The following ZNF248 variants were observed in gnomAD, a reference collection of about 807,000 sequenced individuals.
ZNF248 encodes zinc finger protein 248, also known as KRAB protein domain.
Under a neutral mutation model 44.3 loss-of-function variants are expected in ZNF248, and 20 were observed. The ratio of observed to expected loss-of-function variants is 0.45; its 90% CI spans 0.32 to 0.66. The LOEUF is 0.66. Ranked by LOEUF, ZNF248 falls within the 30% of genes least tolerant of loss-of-function variation. The probability of loss-of-function intolerance (pLI) is 0.04; values close to 1 mark genes in which losing one functional copy is unlikely to be tolerated. For missense variants in ZNF248, 654 were observed against 677.0 expected (o/e 0.97, Z 0.38); for synonymous variants, 224 against 229.0 (o/e 0.98, Z 0.20).
intron 6 of ZNF248, among the ~76,000 whole-genome samples, chr10:37,812,308 G>A (rs2051643036): frequency 6.6e-6 from 1 of 151,620 alleles, no homozygotes; most frequent in Non-Finnish European, 1.5e-5. Flanking sequence ...GTAGACAAAA[G>A]TGTCTTTGGG....
At chr10:37,790,458 A>G (rs2033599723) in intron 6 of ZNF248, among the ~76,000 whole-genome samples, 1 of 151,808 alleles carries the variant, frequency 6.6e-6, no homozygotes, top group Non-Finnish European at 1.5e-5. Context: ...CACGCCTGTA[A>G]TCAAGCACTT....
chr10:37,856,438 T>G lies in ZNF248; in HGVS notation c.-31A>C, dbSNP rs954179485. ...GGTCCACACACAAGATACTTACGTGTCCATGTGTGGCTCCGATATATGCTG... is the reference window on the plus strand; with the variant it reads ...GGTCCACACACAAGATACTTACGTGGCCATGTGTGGCTCCGATATATGCTG... On this transcript the variant is annotated 5_prime_UTR_variant, in exon 2 of 6. Coordinates refer to ENST00000395867, the MANE Select transcript of ZNF248 (RefSeq NM_021045.3). 1 of 1,470,270 alleles carries G rather than the reference T, an allele frequency of 6.8e-7. No individual in the cohort carries two copies. Among genetic ancestry groups the G allele is most frequent in the East Asian group, 2.3e-5 (1 of 43,442 alleles). 91.1% of individuals were successfully genotyped at this position (1,470,270 alleles called of 1,614,324 possible). A position where few individuals can be genotyped will look rare whatever the true frequency, so the allele number is the denominator to read the frequency against.
At chr10:37,760,894 C>G in the ZNF248 span, among the ~76,000 whole-genome samples, 1 of 152,094 alleles carries the variant, frequency 6.6e-6, no homozygotes, top group East Asian at 1.9e-4. Flanking sequence ...TGAGCACAAA[C>G]AAAGAAATCA....
At chr10:37,842,042 G>C (rs2058438014) in intron 3 of ZNF248, among the ~76,000 whole-genome samples, 1 of 152,076 alleles carries the variant, frequency 6.6e-6, no homozygotes, top group Non-Finnish European at 1.5e-5. Context: ...CAATAAAGTG[G>C]TCATCACTTA....
rs1388031759 is a variant in ZNF248, at chr10:37,828,968, C to T, written c.*2647G>A. The T allele has an allele frequency of 6.1e-6, 6 of 985,462 alleles. No homozygotes were observed. Among genetic ancestry groups the T allele is most frequent in the Non-Finnish European group, 6.0e-6 (5 of 829,934 alleles). 61.0% of individuals were successfully genotyped at this position (985,462 alleles called of 1,614,324 possible). A position where few individuals can be genotyped will look rare whatever the true frequency, so the allele number is the denominator to read the frequency against. On this transcript the variant is annotated 3_prime_UTR_variant, in exon 6 of 6. Transcript: ENST00000395867. ...AAGCAGAACAAACAGAAACACTTAACTTGCAACTAGTAGAATAACTTTATT... is the reference window on the plus strand; with the variant it reads ...AAGCAGAACAAACAGAAACACTTAATTTGCAACTAGTAGAATAACTTTATT...
intron 6 of ZNF248, among the ~76,000 whole-genome samples, chr10:37,785,509 G>C (rs1416815759): frequency 6.6e-6 from 1 of 152,178 alleles, no homozygotes; most frequent in Non-Finnish European, 1.5e-5. Flanking sequence ...ATAAATAGGT[G>C]ACCCATGGCA....
chr10:37,791,626 T>C (rs2048562681), intron 6 of ZNF248: 2 of 152,154 alleles, frequency 1.3e-5, no homozygotes, highest in South Asian at 4.1e-4. Context: ...ATGAAAAGCA[T>C]ATAACCTTCT....
intron 6 of ZNF248, chr10:37,794,467 T>A: frequency 6.2e-6 from 1 of 161,684 alleles, no homozygotes; most frequent in Middle Eastern, 7.0e-4. Context: ...TTTAAATTGC[T>A]ACTGGTTTTC....
intron 6 of ZNF248, among the ~76,000 whole-genome samples, chr10:37,778,495 A>G (rs1011023687): frequency 6.6e-6 from 1 of 151,142 alleles, no homozygotes; most frequent in Non-Finnish European, 1.5e-5. Context: ...TTGCCTGTTC[A>G]CTCTGATGGT....
chr10:37,793,570 G>A (rs534358063), intron 6 of ZNF248, among the ~76,000 whole-genome samples: 59 of 152,232 alleles, frequency 3.9e-4, no homozygotes, highest in African/African-American at 1.4e-3. Flanking sequence ...GTGGTGTGGA[G>A]AATTCAGTGG....
At chr10:37,767,179 A>C in the ZNF248 span, among the ~76,000 whole-genome samples, 2 of 152,204 alleles carry the variant, frequency 1.3e-5, no homozygotes, top group Admixed American at 1.3e-4. Flanking sequence ...GGGAGAAAGG[A>C]ACCAAGTTGG....
the ZNF248 span, among the ~76,000 whole-genome samples, chr10:37,763,418 T>G: frequency 6.6e-6 from 1 of 152,220 alleles, no homozygotes; most frequent in Non-Finnish European, 1.5e-5. Flanking sequence ...CAGTGTGAGT[T>G]TGCCCACATC....
At position 37,829,098 on chromosome 10, in the gene ZNF248, C is replaced by T; in HGVS notation, c.*2517G>A. 1 of 985,508 alleles carries T rather than the reference C, an allele frequency of 1.0e-6. No individual in the cohort carries two copies. The highest frequency in any genetic ancestry group is 1.2e-6 in the Non-Finnish European group (1 of 829,980). The allele number at this position is 985,508 out of a possible 1,614,324, so 61.0% of individuals were successfully genotyped here. On this transcript the variant is annotated 3_prime_UTR_variant, in exon 6 of 6. Coordinates refer to ENST00000395867, the MANE Select transcript of ZNF248 (RefSeq NM_021045.3). ...TTCTCTCTCCACCCTTCTCTGTGCC[C>T]ACCTGGGCTCTCCAGCAGATGTATC...
chr10:37,836,767 CAT>C (rs1432723192), intron 5 of ZNF248, among the ~76,000 whole-genome samples: 6 of 91,570 alleles, frequency 6.6e-5, no homozygotes, highest in African/African-American at 2.6e-4. Flanking sequence ...AACACACAGA[CAT>C]GTACACACAC....
intron 6 of ZNF248, among the ~76,000 whole-genome samples, chr10:37,808,760 TTCA>T (rs2051004455): frequency 6.6e-6 from 1 of 152,194 alleles, no homozygotes; most frequent in Admixed American, 6.5e-5. Context: ...AAGTGTTCCC[TTCA>T]TTTTAATTTT....
At chr10:37,835,356 A>G (rs1415614278) in intron 5 of ZNF248, among the ~76,000 whole-genome samples, 1 of 152,244 alleles carries the variant, frequency 6.6e-6, no homozygotes, top group Non-Finnish European at 1.5e-5. Context: ...TTGCCATTCA[A>G]GATAGCAGTA....
chr10:37,771,894 A>C (rs1439627946), downstream of ZNF248, among the ~76,000 whole-genome samples: 1 of 152,166 alleles, frequency 6.6e-6, no homozygotes, highest in Non-Finnish European at 1.5e-5. Flanking sequence ...GTTCATTCAC[A>C]AATCACAAAG....
chr10:37,822,894 T>A (rs1464358475), intron 6 of ZNF248, among the ~76,000 whole-genome samples: 1 of 152,204 alleles, frequency 6.6e-6, no homozygotes, highest in Non-Finnish European at 1.5e-5. Context: ...GATGTTTACA[T>A]GTTCTAAAAA....
At chr10:37,776,844 T>C (rs1480369029) in intron 6 of ZNF248, among the ~76,000 whole-genome samples, 1 of 152,180 alleles carries the variant, frequency 6.6e-6, no homozygotes, top group East Asian at 1.9e-4. Flanking sequence ...TGGTCTACCC[T>C]GGCCATGTGA....
Sources: gnomAD v4.1 joint callset for allele counts (sites outside exome capture counted in the v4.1 genomes callset) on GRCh38, gnomAD v4.1.1 for gene constraint, MANE v1.5 for transcripts, NCBI Gene and HGNC (gene_info 2026-07-23, HGNC 2026-07-21) for gene names.